The following AURKC variants were observed in gnomAD, a reference collection of about 807,000 sequenced individuals.
AURKC encodes the protein aurora kinase C.
In AURKC, 15 loss-of-function variants were observed where a neutral mutation model predicts 29.2. That is an observed-to-expected ratio of 0.51 (90% CI 0.34 to 0.79). The LOEUF is 0.79. Ranked by LOEUF, AURKC falls within the 30% of genes least tolerant of loss-of-function variation. AURKC has a pLI of 0.01. For synonymous variants in AURKC, 150 were observed against 149.9 expected (o/e 1.00, Z -0.01); for missense variants, 332 against 383.2 (o/e 0.87, Z 1.12).
Position 57,235,287 on chromosome 19 carries a change from G to A in AURKC, c.800G>A (p.Arg267Gln), listed in dbSNP as rs765491946. ...CCACTATCAATGCCTCTGGGGGCCC[G>A]GGACTTGATTTCCAGGCTTCTCAGA... Reference protein sequence around the residue: ...RFPLSMPLGARDLISRLLRYQ... With the variant: ...RFPLSMPLGAQDLISRLLRYQ... Residue 267 changes from arginine (R) to glutamine (Q), a missense_variant, in exon 7 of 7, where the codon CGG (arginine) becomes CAG (glutamine). By Grantham distance (43) the Arg-to-Gln change is conservative (BLOSUM62 1). Transcript: ENST00000302804. 2.8e-5 allele frequency: 46 copies of A among 1,614,044 alleles called. No individual in the cohort carries two copies. The highest frequency in any genetic ancestry group is 1.6e-4 in the Middle Eastern group (1 of 6,082).
chr19:57,231,134 AGGATTGGAAG>A lies in AURKC; in HGVS notation c.-114_-105del. On this transcript the variant is annotated 5_prime_UTR_variant, in exon 1 of 7. Transcript: ENST00000302804. The stretch of plus-strand genomic sequence containing the variant: ...ACATCAGTGAGGCTGCAGGACGAGC[AGGATTGGAAG>A]CGCCCCGGCCAGAAAGTGACCCCCC... 6.2e-5 allele frequency: 4 copies of A among 64,518 alleles called. No homozygotes were observed. Among genetic ancestry groups the A allele is most frequent in the Non-Finnish European group, 9.4e-5 (4 of 42,682 alleles). 4.0% of individuals were successfully genotyped at this position (64,518 alleles called of 1,614,324 possible).
chr19:57,232,046 G>C lies in AURKC; in HGVS notation c.118G>C (p.Val40Leu). The C allele has an allele frequency of 1.9e-6, 3 of 1,614,138 alleles. No homozygotes were observed. The East Asian group carries it at 6.7e-5, about 36-fold the overall frequency. Residue 40 changes from valine (V) to leucine (L), a missense_variant, in exon 3 of 7, where the codon GTC becomes CTC. Val to Leu is a conservative substitution (Grantham distance 32). Transcript: ENST00000302804. This position sits in a 1 kb window ranked among gnomAD's most constrained non-coding sequence, Gnocchi z 4.5. ...PSSPAMRRLT[V>L]DDFEIGRPLG... is the part of the protein sequence containing the mutation. ...CTCTCCTGTCAGGCGGCGCCTCACAGTCGATGACTTTGAAATCGGGCGTCC... is the reference window on the plus strand; with the variant it reads ...CTCTCCTGTCAGGCGGCGCCTCACACTCGATGACTTTGAAATCGGGCGTCC...
In AURKC at chr19:57,232,573, T is replaced by G. The variant is rs1437633992; in HGVS notation, c.328T>G (p.Phe110Val). 6.2e-7 allele frequency: 1 copy of G among 1,614,042 alleles called. No homozygotes were observed. The highest frequency in any genetic ancestry group is 8.5e-7 in the Non-Finnish European group (1 of 1,180,042). Residue 110 changes from phenylalanine to valine, a missense_variant, in exon 4 of 7, where the codon TTC becomes GTC. Coordinates refer to ENST00000302804, the MANE Select transcript of AURKC (RefSeq NM_001015878.2). This position sits in a 1 kb window ranked among gnomAD's most constrained non-coding sequence, Gnocchi z 4.5. ...CAATATCCTGCGCCTGTATAACTAT[T>G]TCCATGATGCACGCCGGGTGTACCT... ...HPNILRLYNY[F>V]HDARRVYLIL...
rs2087534015 is a variant in AURKC, at chr19:57,235,161, G to A, written c.760-86G>A. ...GGGTTGTCTTCTGTGGTCCAGAACA[G>A]CGCCTTAACAAGGCTCAAAGAAGAG... On this transcript the variant is annotated intron_variant, in intron 6 of 6. Coordinates refer to ENST00000302804, the MANE Select transcript of AURKC (RefSeq NM_001015878.2). The A allele has an allele frequency of 3.1e-6, 5 of 1,610,772 alleles. No individual in the cohort carries two copies. The African/African-American group carries it at 4.0e-5, about 13-fold the overall frequency.
At chr19:57,231,702 C>G in intron 1 of AURKC, 40 bp from the exon 2 acceptor site, 1 of 1,611,074 alleles carries the variant, frequency 6.2e-7, no homozygotes, top group Non-Finnish European at 8.5e-7. Context: ...TCCTTCCCTC[C>G]CCTCTCCCTT....
Position 57,235,196 on chromosome 19 carries a change from T to G in AURKC, c.760-51T>G, listed in dbSNP as rs748253881. The G allele has an allele frequency of 3.1e-6, 5 of 1,612,618 alleles. No homozygotes were observed. In the East Asian group the frequency reaches 1.1e-4, roughly 36 times the overall value. ...AAGGCTCAAAGAAGAGGGAGGACAT[T>G]GATCAAAGAAATTAACCAGACTTCT... On this transcript the variant is annotated intron_variant, in intron 6 of 6. Transcript: ENST00000302804.
At chr19:57,234,426 CT>C (rs1260923096) in intron 5 of AURKC, among the ~76,000 whole-genome samples, 1 of 152,142 alleles carries the variant, frequency 6.6e-6, no homozygotes, top group Non-Finnish European at 1.5e-5. Context: ...CCAATCAAAC[CT>C]TTTATTTTCT....
Position 57,232,342 on chromosome 19 carries a change from C to A in AURKC, c.296+118C>A, listed in dbSNP as rs2087501507. On this transcript the variant is annotated intron_variant, in intron 3 of 6. Coordinates refer to ENST00000302804, the MANE Select transcript of AURKC (RefSeq NM_001015878.2). This position sits in a 1 kb window ranked among gnomAD's most constrained non-coding sequence, Gnocchi z 4.5. ...CTTGAAGACTTCTCTGCAGTTCATT[C>A]CATTTACACTACCTCCTACCCTGGG... is the stretch of plus-strand genomic sequence containing the variant. 2 of 1,410,486 alleles carry A rather than the reference C, an allele frequency of 1.4e-6. No individual in the cohort carries two copies. Among genetic ancestry groups the A allele is most frequent in the African/African-American group, 1.4e-5 (1 of 70,862 alleles). 87.4% of individuals were successfully genotyped at this position (1,410,486 alleles called of 1,614,324 possible). A position where few individuals can be genotyped will look rare whatever the true frequency, so the allele number is the denominator to read the frequency against.
intron 1 of AURKC, 116 bp from the exon 2 acceptor site, chr19:57,231,626 T>A: frequency 9.2e-7 from 1 of 1,084,968 alleles, no homozygotes; most frequent in South Asian, 1.3e-5. Context: ...CTCCCCTTCT[T>A]CCCCTCACCT....
At chr19:57,234,755 C>T in intron 5 of AURKC, 129 bp from the exon 6 acceptor site, 3 of 1,093,266 alleles carry the variant, frequency 2.7e-6, no homozygotes, top group Non-Finnish European at 4.0e-6. Flanking sequence ...TCTCTCCAAA[C>T]TCCTGTGCTT....
In AURKC at chr19:57,235,476, C is replaced by T; in HGVS notation, c.*59C>T. On this transcript the variant is annotated 3_prime_UTR_variant, in exon 7 of 7. Coordinates refer to ENST00000302804, the MANE Select transcript of AURKC (RefSeq NM_001015878.2). ...CAGGGAGCTCTCCTGGCTCTGCCAC[C>T]TCATTTGTCTTTATTTTTTTCTCTT... 1 of 1,591,306 alleles carries T rather than the reference C, an allele frequency of 6.3e-7. No individual in the cohort carries two copies. The highest frequency in any genetic ancestry group is 1.1e-5 in the South Asian group (1 of 90,596).
chr19:57,231,673 C>T, intron 1 of AURKC, 69 bp from the exon 2 acceptor site: 2 of 1,580,496 alleles, frequency 1.3e-6, no homozygotes, highest in Non-Finnish European at 1.7e-6. Flanking sequence ...TTCTCCTCTC[C>T]TCTCTTTCTC....
intron 4 of AURKC, 30 bp from the exon 5 acceptor site, chr19:57,233,430 T>A (rs1296023134): frequency 6.2e-7 from 1 of 1,614,000 alleles, no homozygotes; most frequent in Non-Finnish European, 8.5e-7. Context: ...CAGGCTTCAC[T>A]TCCAGGGTGA....
In AURKC at chr19:57,231,782, A is replaced by T. The variant is rs1333707544; in HGVS notation, c.99A>T (p.Pro33=). The T allele has an allele frequency of 1.9e-6, 3 of 1,613,908 alleles. No homozygotes were observed. In the South Asian group the frequency reaches 3.3e-5, roughly 18 times the overall value. The stretch of plus-strand genomic sequence containing the variant: ...AAACAGCCCAGCAGCCCAGCAGCCC[A>T]GCCATGTGAGTCCCTTGGGATTGGT... ...ANQTAQQPSS[P]AMRRLTVDDF... Residue 33 remains proline, a synonymous_variant, in exon 2 of 7, where the codon CCA becomes CCT. Coordinates refer to ENST00000302804, the MANE Select transcript of AURKC (RefSeq NM_001015878.2).
At chr19:57,235,086 G>T (rs778790067) in intron 6 of AURKC, 28 bp downstream of exon 6, 2 of 1,613,804 alleles carry the variant, frequency 1.2e-6, no homozygotes, top group Non-Finnish European at 1.7e-6. Flanking sequence ...GGGCATTCAT[G>T]GGGGAGCTGG....
Position 57,235,514 on chromosome 19 carries a change from AT to A in AURKC, c.*98del. On this transcript the variant is annotated 3_prime_UTR_variant, in exon 7 of 7. Coordinates refer to ENST00000302804, the MANE Select transcript of AURKC (RefSeq NM_001015878.2). ...ATTTTTTTCTCTTTTAAGATGTAAG[AT>A]GCTAATTAATAAAAGCTGAATCATT... The A allele has an allele frequency of 1.4e-6, 2 of 1,425,394 alleles. No individual in the cohort carries two copies. The highest frequency in any genetic ancestry group is 2.3e-5 in the South Asian group (2 of 86,720). 88.3% of individuals were successfully genotyped at this position (1,425,394 alleles called of 1,614,324 possible).
chr19:57,231,693 C>A (rs1179225235), intron 1 of AURKC, 49 bp from the exon 2 acceptor site: 1 of 1,606,490 alleles, frequency 6.2e-7, no homozygotes, highest in Non-Finnish European at 8.5e-7. Context: ...CTCCCCTTCT[C>A]CTTCCCTCCC....
Position 57,234,976 on chromosome 19 carries a change from G to C in AURKC, c.677G>C (p.Gly226Ala). The C allele has an allele frequency of 5.0e-6, 8 of 1,614,202 alleles. No individual in the cohort carries two copies. The highest frequency in any genetic ancestry group is 6.8e-6 in the Non-Finnish European group (8 of 1,180,038). ...GAAAAGGTGGATTTGTGGTGCATTG[G>C]AGTGCTCTGCTATGAGCTGCTGGTG... The part of the protein sequence containing the change: ...YDEKVDLWCI[G>A]VLCYELLVGY... The change falls in exon 6 of 7, where the codon GGA (glycine) becomes GCA (alanine). Residue 226 changes from glycine (G) to alanine (A), a missense_variant. Gly to Ala is a moderately conservative substitution (Grantham distance 60). Transcript: ENST00000302804.
rs796350273 is a variant in AURKC at position 57,235,500 on chromosome 19, T to C, written c.*83T>C. ...CCTCATTTGTCTTTATTTTTTTCTC[T>C]TTTAAGATGTAAGATGCTAATTAAT... On this transcript the variant is annotated 3_prime_UTR_variant, in exon 7 of 7. Coordinates refer to ENST00000302804, the MANE Select transcript of AURKC (RefSeq NM_001015878.2). The C allele has an allele frequency of 6.5e-7, 1 of 1,529,420 alleles. No individual in the cohort carries two copies. The highest frequency in any genetic ancestry group is 1.4e-5 in the African/African-American group (1 of 73,252). The allele number at this position is 1,529,420 out of a possible 1,614,324, so 94.7% of individuals were successfully genotyped here. A position where few individuals can be genotyped will look rare whatever the true frequency, so the allele number is the denominator to read the frequency against.
Sources: allele counts gnomAD v4.1 joint callset (sites outside exome capture counted in the v4.1 genomes callset), GRCh38; gene constraint gnomAD v4.1.1; non-coding constraint Gnocchi (gnomAD v3.1); transcripts MANE v1.5; gene names NCBI Gene and HGNC (gene_info 2026-07-23, HGNC 2026-07-21).